The following CAMK1D variants were observed in gnomAD, a reference collection of about 807,000 sequenced individuals.
The protein encoded by CAMK1D is calcium/calmodulin dependent protein kinase ID, also known as calcium/calmodulin-dependent protein kinase type 1D.
In CAMK1D, 9 loss-of-function variants were observed where a neutral mutation model predicts 47.7. The observed-to-expected ratio is 0.19, with a 90% CI of 0.11 to 0.33. The LOEUF (loss-of-function observed/expected upper bound fraction) is 0.33, where lower values mean the gene tolerates loss of function less well. Among genes scored for constraint, CAMK1D ranks in the 10% least tolerant of loss-of-function variants. CAMK1D has a pLI of 1.00. For synonymous variants in CAMK1D, 184 were observed against 184.9 expected, an observed-to-expected ratio of 0.99 and a Z score of 0.04; for missense variants, 291 against 488.7, an observed-to-expected ratio of 0.60 and a Z score of 3.81.
intron 1 of CAMK1D, among the ~76,000 whole-genome samples, chr10:12,477,437 T>A (rs1036687279): frequency 1.3e-5 from 2 of 152,050 alleles, no homozygotes; most frequent in African/African-American, 4.8e-5. Context: ...GATTGTCCTC[T>A]TCATTGTTTA....
At chr10:12,467,840 A>G (rs1398887097) in intron 1 of CAMK1D, among the ~76,000 whole-genome samples, 2 of 152,170 alleles carry the variant, frequency 1.3e-5, no homozygotes, top group Non-Finnish European at 2.9e-5. Flanking sequence ...GGTTTACAAC[A>G]TATGTTCTTT....
At chr10:12,684,720 G>C (rs2132620305) in intron 3 of CAMK1D, among the ~76,000 whole-genome samples, 1 of 152,142 alleles carries the variant, frequency 6.6e-6, no homozygotes, top group East Asian at 1.9e-4. Context: ...ATCCCTATTT[G>C]TAATTCTTGT....
intron 1 of CAMK1D, among the ~76,000 whole-genome samples, chr10:12,526,738 C>T (rs1038516612): frequency 2.0e-5 from 3 of 151,692 alleles, no homozygotes; most frequent in African/African-American, 7.3e-5. Context: ...GGCAATGTGG[C>T]GAAGCCCCAT....
At chr10:12,768,635 A>G (rs372597649) in intron 4 of CAMK1D, among the ~76,000 whole-genome samples, 1 of 151,886 alleles carries the variant, frequency 6.6e-6, no homozygotes, top group Non-Finnish European at 1.5e-5. Context: ...AGTCCTTGAC[A>G]TCGTCTCCCC....
Position 12,371,100 on chromosome 10 carries a change from A to G in CAMK1D, c.92+21190A>G, listed in dbSNP as rs11257740. ...TATCATTGATGGAAGAAAAATTAAA[A>G]CAATAACTTTAGTATAGCCTAAGTG... On this transcript the variant is annotated intron_variant, in intron 1 of 10. Coordinates refer to ENST00000619168, the MANE Select transcript of CAMK1D (RefSeq NM_153498.4). 6.6e-4 allele frequency among the ~76,000 whole-genome samples: 100 copies of G among 152,268 alleles called. No individual in the cohort carries two copies. The East Asian group carries it at 0.01, about 15-fold the overall frequency.
chr10:12,515,413 TTTTTC>T (rs1835169955), intron 1 of CAMK1D, among the ~76,000 whole-genome samples: 1 of 69,236 alleles, frequency 1.4e-5, no homozygotes, highest in African/African-American at 5.7e-5. Context: ...TTTTTTTTTT[TTTTTC>T]TTTTTTTTTT....
rs1354101902 is a variant in CAMK1D at position 12,479,194 on chromosome 10, T to C, written c.93-74031T>C. On this transcript the variant is annotated intron_variant, in intron 1 of 10. Transcript: ENST00000619168. ...TGACGCTGGAGAAGCTGCATTTTTT[T>C]TTCTTTTTTTCTTTTTTTTGAGACG... 3.3e-5 allele frequency among the ~76,000 whole-genome samples: 5 copies of C among 151,200 alleles called. No individual in the cohort carries two copies. In the East Asian group the frequency reaches 7.7e-4, roughly 23 times the overall value.
chr10:12,743,698 G>C (rs778079989), intron 3 of CAMK1D, among the ~76,000 whole-genome samples: 1 of 151,998 alleles, frequency 6.6e-6, no homozygotes, highest in Non-Finnish European at 1.5e-5. Flanking sequence ...CCAGCATCTG[G>C]CAGTCATGAA....
chr10:12,819,135 G>GA (rs948855957), intron 8 of CAMK1D, among the ~76,000 whole-genome samples: 1 of 152,112 alleles, frequency 6.6e-6, no homozygotes, highest in African/African-American at 2.4e-5. Context: ...AAACATTTTG[G>GA]AAAAAACAAA....
intron 2 of CAMK1D, among the ~76,000 whole-genome samples, chr10:12,613,539 C>T (rs536713787): frequency 6.6e-6 from 1 of 152,316 alleles, no homozygotes; most frequent in South Asian, 2.1e-4. Flanking sequence ...ATTTGCTTGC[C>T]GATATCTACC....
intron 1 of CAMK1D, among the ~76,000 whole-genome samples, chr10:12,395,702 G>A (rs963842983): frequency 1.3e-5 from 2 of 151,926 alleles, no homozygotes; most frequent in African/African-American, 2.4e-5. Context: ...ATTACTTGAG[G>A]TCAGGAGTTC....
rs541784425 is a variant in CAMK1D, at chr10:12,695,234, G to A, written c.299+28424G>A. ...TCCCATTAAAGTACATGGGATGGAA[G>A]GACAGACGGAGAATGACTTGGAGTT... is the stretch of plus-strand genomic sequence containing the variant. On this transcript the variant is annotated intron_variant, in intron 3 of 10. Transcript: ENST00000619168. Among the ~76,000 whole-genome samples, 3 of 152,316 alleles carry A rather than the reference G, an allele frequency of 2.0e-5. No individual in the cohort carries two copies. The South Asian group carries it at 6.2e-4, about 32-fold the overall frequency.
At chr10:12,472,212 T>G (rs1174262094) in intron 1 of CAMK1D, among the ~76,000 whole-genome samples, 1 of 152,202 alleles carries the variant, frequency 6.6e-6, no homozygotes, top group East Asian at 1.9e-4. Flanking sequence ...ACAGCGATGC[T>G]CTGCCTTCAT....
chr10:12,795,812 G>A (rs1838173451), intron 6 of CAMK1D, among the ~76,000 whole-genome samples: 1 of 152,206 alleles, frequency 6.6e-6, no homozygotes, highest in African/African-American at 2.4e-5. Context: ...AAAAACCCAT[G>A]TGATGAGTTC....
chr10:12,770,586 C>T (rs1836993555), intron 5 of CAMK1D, among the ~76,000 whole-genome samples: 1 of 152,224 alleles, frequency 6.6e-6, no homozygotes. Flanking sequence ...GGTGCCTGCC[C>T]TCATGGAGCT....
At chr10:12,699,779 G>C (rs1041683269) in intron 3 of CAMK1D, among the ~76,000 whole-genome samples, 1 of 151,956 alleles carries the variant, frequency 6.6e-6, no homozygotes, top group African/African-American at 2.4e-5. Flanking sequence ...TTTCTTTGGG[G>C]CATTGTCCAC....
At chr10:12,656,815 C>G (rs1354925664) in intron 2 of CAMK1D, among the ~76,000 whole-genome samples, 1 of 152,122 alleles carries the variant, frequency 6.6e-6, no homozygotes, top group Non-Finnish European at 1.5e-5. Context: ...AGATCTCTAA[C>G]TATACAGTAA....
chr10:12,406,167 T>C (rs1296231569), intron 1 of CAMK1D, among the ~76,000 whole-genome samples: 2 of 152,172 alleles, frequency 1.3e-5, no homozygotes, highest in Non-Finnish European at 2.9e-5. Context: ...AGATGATCTT[T>C]CCTTGCTCAG....
intron 3 of CAMK1D, among the ~76,000 whole-genome samples, chr10:12,672,295 T>C (rs1489701570): frequency 6.6e-6 from 1 of 152,120 alleles, no homozygotes; most frequent in Non-Finnish European, 1.5e-5. Context: ...TAATGGCTTG[T>C]GCTTTTTGTG....
Sources: gnomAD v4.1 joint callset for allele counts (sites outside exome capture counted in the v4.1 genomes callset) on GRCh38, gnomAD v4.1.1 for gene constraint, MANE v1.5 for transcripts, NCBI Gene and HGNC (gene_info 2026-07-23, HGNC 2026-07-21) for gene names.